Variants in SGCZ observed in about 807,000 individuals in gnomAD.
SGCZ encodes zeta-sarcoglycan.
SGCZ carries 40 observed loss-of-function variants against 41.3 expected under a neutral mutation model. That is an observed-to-expected ratio of 0.97 (90% confidence interval 0.75 to 1.26). The LOEUF is 1.26. Among genes scored for constraint, SGCZ ranks in the 50% most tolerant of loss-of-function variants. The pLI is 0.00. For missense variants in SGCZ, 552 were observed against 369.8 expected, an observed-to-expected ratio of 1.49 and a Z score of -4.04; for synonymous variants, 206 against 137.5, an observed-to-expected ratio of 1.50 and a Z score of -3.49.
chr8:14,156,464 A>AAAAAAC (rs747376964), intron 5 of SGCZ, among the ~76,000 whole-genome samples: 2 of 152,254 alleles, frequency 1.3e-5, no homozygotes, highest in African/African-American at 4.8e-5. Context: ...CCATCTCAGA[A>AAAAAAC]AAAAACAAAA....
At chr8:14,275,526 T>C (rs1352512552) in intron 3 of SGCZ, among the ~76,000 whole-genome samples, 1 of 152,130 alleles carries the variant, frequency 6.6e-6, no homozygotes, top group Non-Finnish European at 1.5e-5. Flanking sequence ...GCACTTCTAC[T>C]CTTCCTTTTC....
At chr8:14,562,881 G>C (rs1804247766) in intron 1 of SGCZ, among the ~76,000 whole-genome samples, 1 of 152,170 alleles carries the variant, frequency 6.6e-6, no homozygotes, top group South Asian at 2.1e-4. Context: ...CGAGAGAGAA[G>C]TCACGTGATC....
intron 5 of SGCZ, among the ~76,000 whole-genome samples, chr8:14,112,655 G>A (rs1034293906): frequency 2.0e-5 from 3 of 151,872 alleles, no homozygotes; most frequent in African/African-American, 7.3e-5. Flanking sequence ...TTATTCCCAG[G>A]TTTACTTATA....
At chr8:14,759,035 G>T (rs867088320) in intron 1 of SGCZ, among the ~76,000 whole-genome samples, 135 of 151,484 alleles carry the variant, frequency 8.9e-4, no homozygotes, top group Non-Finnish European at 1.8e-4. Context: ...ATTCTTTACA[G>T]TCAAATTCCA....
intron 2 of SGCZ, among the ~76,000 whole-genome samples, chr8:14,327,095 A>G (rs1802147502): frequency 6.6e-6 from 1 of 152,248 alleles, no homozygotes; most frequent in Admixed American, 6.5e-5. Flanking sequence ...GTGCATAGTC[A>G]AAGAATGGCA....
chr8:14,317,158 G>T (rs918813788), intron 3 of SGCZ, among the ~76,000 whole-genome samples: 2 of 151,964 alleles, frequency 1.3e-5, no homozygotes, highest in Non-Finnish European at 2.9e-5. Context: ...GCTAACACAT[G>T]TAAAACATTT....
chr8:14,111,963 A>G (rs772243862), intron 5 of SGCZ, among the ~76,000 whole-genome samples: 1 of 152,184 alleles, frequency 6.6e-6, no homozygotes, highest in Non-Finnish European at 1.5e-5. Flanking sequence ...GTGGCTATCT[A>G]TATTCTAAAT....
chr8:14,927,373 T>G (rs897682793), intron 1 of SGCZ, among the ~76,000 whole-genome samples: 12 of 151,956 alleles, frequency 7.9e-5, no homozygotes, highest in Non-Finnish European at 1.5e-4. Context: ...CCTCCCAAAG[T>G]GCTGGGATTA....
intron 1 of SGCZ, among the ~76,000 whole-genome samples, chr8:15,012,525 CAT>C (rs1802862224): frequency 2.3e-5 from 2 of 87,008 alleles, no homozygotes; most frequent in African/African-American, 6.1e-5. Flanking sequence ...TATACATAAA[CAT>C]ATGAACATAT....
At chr8:14,291,776 A>G (rs1391820585) in intron 3 of SGCZ, among the ~76,000 whole-genome samples, 1 of 151,964 alleles carries the variant, frequency 6.6e-6, no homozygotes, top group East Asian at 1.9e-4. Context: ...TCTCTTTAGG[A>G]TTTAAAGAAA....
intron 1 of SGCZ, among the ~76,000 whole-genome samples, chr8:14,634,657 G>C (rs769680727): frequency 6.6e-6 from 1 of 151,788 alleles, no homozygotes; most frequent in Non-Finnish European, 1.5e-5. Flanking sequence ...AATTTCACTG[G>C]AATACCCTAT....
chr8:15,087,213 T>C (rs1377202382), intron 1 of SGCZ, among the ~76,000 whole-genome samples: 6 of 152,088 alleles, frequency 3.9e-5, no homozygotes, highest in Non-Finnish European at 8.8e-5. Flanking sequence ...TGTCAACTCA[T>C]GTCACTCTGC....
intron 1 of SGCZ, among the ~76,000 whole-genome samples, chr8:14,628,902 T>C (rs1806551534): frequency 6.6e-6 from 1 of 152,110 alleles, no homozygotes; most frequent in Non-Finnish European, 1.5e-5. Flanking sequence ...ACTGAAAATA[T>C]AGGTGGTGAA....
chr8:14,970,136 C>T (rs535818986), intron 1 of SGCZ, among the ~76,000 whole-genome samples: 1 of 152,222 alleles, frequency 6.6e-6, no homozygotes, highest in East Asian at 1.9e-4. Context: ...TCTCTAATAA[C>T]TAATGATGTT....
At chr8:15,237,221 G>A (rs550644810) in intron 1 of SGCZ, among the ~76,000 whole-genome samples, 350 of 151,826 alleles carry the variant, frequency 2.3e-3, no homozygotes, top group African/African-American at 7.9e-3. Context: ...TGCTGGGAAA[G>A]CAGGCGACAG....
At chr8:14,634,804 C>T (rs1806774772) in intron 1 of SGCZ, among the ~76,000 whole-genome samples, 1 of 151,732 alleles carries the variant, frequency 6.6e-6, no homozygotes, top group African/African-American at 2.4e-5. Flanking sequence ...AATTACTTTC[C>T]AGATAATTCA....
chr8:14,584,649 G>A (rs993880792), intron 1 of SGCZ, among the ~76,000 whole-genome samples: 1 of 151,852 alleles, frequency 6.6e-6, no homozygotes, highest in African/African-American at 2.4e-5. Context: ...CGGTCTTCAG[G>A]GCCAAAAGCA....
chr8:14,648,645 C>T (rs1807301548), intron 1 of SGCZ, among the ~76,000 whole-genome samples: 1 of 151,894 alleles, frequency 6.6e-6, no homozygotes, highest in African/African-American at 2.4e-5. Context: ...TTAAATTTCT[C>T]TGATAATTTA....
chr8:15,220,830 G>T (rs1801571366), intron 1 of SGCZ, among the ~76,000 whole-genome samples: 1 of 152,144 alleles, frequency 6.6e-6, no homozygotes, highest in African/African-American at 2.4e-5. Context: ...ATACTATGCA[G>T]CCATAAAAAA....
Sources: allele counts gnomAD v4.1 joint callset (sites outside exome capture counted in the v4.1 genomes callset), GRCh38; gene constraint gnomAD v4.1.1; transcripts MANE v1.5; gene names NCBI Gene and HGNC (gene_info 2026-07-23, HGNC 2026-07-21).